GABRG3: variants seen among roughly 807,000 people sequenced by gnomAD.
The protein encoded by GABRG3 is gamma-aminobutyric acid receptor subunit gamma-3.
Under a neutral mutation model 48.8 loss-of-function variants are expected in GABRG3, and 25 were observed. The observed-to-expected ratio is 0.51, with a 90% confidence interval of 0.37 to 0.72. The LOEUF (loss-of-function observed/expected upper bound fraction) is 0.72. Among genes scored for constraint, GABRG3 ranks in the 30% least tolerant of loss-of-function variants. The probability of loss-of-function intolerance (pLI) is 0.00; values close to 1 mark genes in which losing one functional copy is unlikely to be tolerated. For missense variants in GABRG3, 394 were observed against 577.9 expected (o/e 0.68, Z 3.26); for synonymous variants, 227 against 217.6 (o/e 1.04, Z -0.38).
intron 5 of GABRG3, among the ~76,000 whole-genome samples, chr15:27,380,234 CCTGT>C (rs1895724679): frequency 6.6e-6 from 1 of 152,122 alleles, no homozygotes; most frequent in African/African-American, 2.4e-5. Flanking sequence ...TCCTTTTAAT[CCTGT>C]CTTAGAGTTA....
intron 5 of GABRG3, among the ~76,000 whole-genome samples, chr15:27,470,540 T>TA (rs1789737322): frequency 6.6e-6 from 1 of 151,792 alleles, no homozygotes; most frequent in African/African-American, 2.4e-5. Context: ...TTTTTTTTTT[T>TA]ATTGGCTTAT....
chr15:27,460,678 T>A (rs1304690372), intron 5 of GABRG3, among the ~76,000 whole-genome samples: 1 of 152,124 alleles, frequency 6.6e-6, no homozygotes, highest in Non-Finnish European at 1.5e-5. Context: ...TGTGATCGGC[T>A]AAGGAAGTGA....
chr15:27,011,677 T>C (rs1046336434), intron 2 of GABRG3, among the ~76,000 whole-genome samples: 13 of 151,934 alleles, frequency 8.6e-5, no homozygotes, highest in Admixed American at 1.3e-4. Context: ...GAAACCCTTT[T>C]TCTACTAAAA....
intron 3 of GABRG3, among the ~76,000 whole-genome samples, chr15:27,271,002 C>T (rs1247157010): frequency 6.6e-6 from 1 of 152,176 alleles, no homozygotes; most frequent in East Asian, 1.9e-4. Flanking sequence ...AGAGGAAATT[C>T]AACGGATGAA....
intron 3 of GABRG3, among the ~76,000 whole-genome samples, chr15:27,264,663 T>C (rs1361540369): frequency 6.7e-6 from 1 of 149,018 alleles, no homozygotes; most frequent in Non-Finnish European, 1.5e-5. Flanking sequence ...AAAACTACAA[T>C]CCAAACAACA....
intron 6 of GABRG3, among the ~76,000 whole-genome samples, chr15:27,510,549 A>G (rs960224265): frequency 1.3e-5 from 2 of 152,192 alleles, no homozygotes; most frequent in Non-Finnish European, 2.9e-5. Context: ...AGGCGGCCCC[A>G]TGGGGAGGCT....
intron 5 of GABRG3, among the ~76,000 whole-genome samples, chr15:27,339,576 G>T (rs1330881032): frequency 6.6e-6 from 1 of 152,202 alleles, no homozygotes; most frequent in Non-Finnish European, 1.5e-5. Flanking sequence ...CAGTCGGGCT[G>T]GCTGTGCATT....
At chr15:27,139,403 A>G (rs1898065420) in intron 3 of GABRG3, among the ~76,000 whole-genome samples, 1 of 152,122 alleles carries the variant, frequency 6.6e-6, no homozygotes, top group Admixed American at 6.5e-5. Context: ...TTTTTGTTCT[A>G]TCTGGGCCCT....
chr15:26,980,673 C>T (rs1338781838), intron 2 of GABRG3, among the ~76,000 whole-genome samples: 4 of 131,766 alleles, frequency 3.0e-5, no homozygotes, highest in Non-Finnish European at 6.3e-5. Context: ...AGCAAGACTC[C>T]TCTGTCTCAA....
At chr15:27,294,743 C>A (rs1595647035) in intron 3 of GABRG3, 2 of 152,234 alleles carry the variant, frequency 1.3e-5, no homozygotes, top group South Asian at 4.1e-4. Flanking sequence ...CTGAGAATCA[C>A]GTCTGTAAAC....
At chr15:27,014,675 T>A (rs1242566567) in intron 2 of GABRG3, among the ~76,000 whole-genome samples, 1 of 148,964 alleles carries the variant, frequency 6.7e-6, no homozygotes, top group Non-Finnish European at 1.5e-5. Context: ...GTAAAACTTG[T>A]TTTGTGGACT....
intron 5 of GABRG3, among the ~76,000 whole-genome samples, chr15:27,378,373 C>G (rs1359006479): frequency 6.6e-6 from 1 of 152,150 alleles, no homozygotes; most frequent in Non-Finnish European, 1.5e-5. Context: ...AGTGGCTGGG[C>G]CTTGACAACC....
Position 27,008,499 on chromosome 15 carries a change from CA to C in GABRG3, c.203-18254del, listed in dbSNP as rs527986734. Among the ~76,000 whole-genome samples the C allele has an allele frequency of 4.6e-5, 7 of 152,328 alleles. No individual in the cohort carries two copies. The East Asian group carries it at 1.4e-3, about 29-fold the overall frequency. ...TTTGGCTGACAATCACTCAGAGATTCAGTCGAGAATTGAATCTGGGGTACTC... is the reference window on the plus strand; with the variant it reads ...TTTGGCTGACAATCACTCAGAGATTCGTCGAGAATTGAATCTGGGGTACTC... On this transcript the variant is annotated intron_variant, in intron 2 of 9. Transcript: ENST00000615808.
At chr15:27,484,543 C>T (rs1415835765) in intron 6 of GABRG3, among the ~76,000 whole-genome samples, 3 of 152,080 alleles carry the variant, frequency 2.0e-5, no homozygotes, top group Non-Finnish European at 4.4e-5. Context: ...CTGAGAAGTC[C>T]TAGGAGCAAC....
At chr15:27,403,515 A>G (rs1289225002) in intron 5 of GABRG3, among the ~76,000 whole-genome samples, 3 of 152,198 alleles carry the variant, frequency 2.0e-5, no homozygotes, top group Admixed American at 2.0e-4. Context: ...AAGCACCTAG[A>G]GACAAAACAC....
intron 6 of GABRG3, among the ~76,000 whole-genome samples, chr15:27,501,772 A>C (rs1022562350): frequency 6.6e-6 from 1 of 152,168 alleles, no homozygotes; most frequent in Non-Finnish European, 1.5e-5. Context: ...GGTTGTGTGC[A>C]AGCACCTTTG....
chr15:27,302,987 A>G (rs1342674921), intron 3 of GABRG3, among the ~76,000 whole-genome samples: 3 of 151,956 alleles, frequency 2.0e-5, no homozygotes, highest in Non-Finnish European at 4.4e-5. Context: ...GACTGCTTAG[A>G]GAGAAATTTA....
chr15:27,061,900 C>T (rs924157540), intron 3 of GABRG3, among the ~76,000 whole-genome samples: 1 of 152,190 alleles, frequency 6.6e-6, no homozygotes, highest in East Asian at 1.9e-4. Flanking sequence ...GCCCTCTGCT[C>T]TGGCATTTTC....
intron 3 of GABRG3, among the ~76,000 whole-genome samples, chr15:27,230,394 G>A (rs943582375): frequency 2.6e-5 from 4 of 152,260 alleles, no homozygotes; most frequent in Admixed American, 1.3e-4. Context: ...ATAGACGGCC[G>A]AGGAGGGGTA....
Sources: gnomAD v4.1 joint callset for allele counts (sites outside exome capture counted in the v4.1 genomes callset) on GRCh38, gnomAD v4.1.1 for gene constraint, MANE v1.5 for transcripts, NCBI Gene and HGNC (gene_info 2026-07-23, HGNC 2026-07-21) for gene names.